Variants in RAB6A observed in about 807,000 individuals in gnomAD.
RAB6A encodes RAB6A, member RAS oncogene family.
Under a neutral mutation model 32.3 loss-of-function variants are expected in RAB6A, and 8 were observed. That is an observed-to-expected ratio of 0.25 (90% confidence interval 0.15 to 0.45). The LOEUF is 0.45. Ranked by LOEUF, RAB6A falls within the 20% of genes least tolerant of loss-of-function variation. RAB6A has a pLI of 1.00. For missense variants in RAB6A, 104 were observed against 249.4 expected (o/e 0.42, Z 3.93); for synonymous variants, 73 against 82.1 (o/e 0.89, Z 0.60).
intron 1 of RAB6A, among the ~76,000 whole-genome samples, chr11:73,755,481 C>A (rs562801456): frequency 2.6e-5 from 4 of 151,804 alleles, no homozygotes; most frequent in Non-Finnish European, 4.4e-5. Context: ...TTAGTAGAAA[C>A]GGGGTTTCGC....
At chr11:73,696,453 C>G (rs969249535) in intron 6 of RAB6A, among the ~76,000 whole-genome samples, 2 of 152,094 alleles carry the variant, frequency 1.3e-5, no homozygotes, top group Non-Finnish European at 2.9e-5. Flanking sequence ...CTCAGCCTCC[C>G]CAAGGTGTAG....
In RAB6A at chr11:73,760,663, T is replaced by G; in HGVS notation, c.-28A>C. 6.3e-7 allele frequency: 1 copy of G among 1,597,892 alleles called. No individual in the cohort carries two copies. Among genetic ancestry groups the G allele is most frequent in the Non-Finnish European group, 8.5e-7 (1 of 1,172,804 alleles). The stretch of plus-strand genomic sequence containing the variant: ...TGGAACTAGAGGAGCGGCCGCCGCC[T>G]CAGCCTAGAGACCTCCCGGACCGAT... On this transcript the variant is annotated 5_prime_UTR_variant, in exon 1 of 8. Transcript: ENST00000336083.
chr11:73,709,912 C>T (rs12360679), intron 5 of RAB6A, among the ~76,000 whole-genome samples: 7 of 145,486 alleles, frequency 4.8e-5, no homozygotes, highest in Admixed American at 2.8e-4. Flanking sequence ...CACATATATA[C>T]ATATATATAC....
chr11:73,678,335 G>A (rs945064313), intron 7 of RAB6A, among the ~76,000 whole-genome samples: 2 of 152,234 alleles, frequency 1.3e-5, no homozygotes, highest in African/African-American at 2.4e-5. Context: ...TGGGACTTCA[G>A]GCCGGGTGCC....
rs1555062135 is a variant in RAB6A, at chr11:73,722,367, T to TG, written c.130-1469dup. The TG allele has an allele frequency of 1.1e-3, 91 of 81,772 alleles. 11 individuals are homozygous for TG. Among genetic ancestry groups the TG allele is most frequent in the African/African-American group, 3.3e-3 (68 of 20,910 alleles). The allele number at this position is 81,772 out of a possible 1,614,324, so 5.1% of individuals were successfully genotyped here. ...TATTTTTTTTTTTTTTTTTTTTTTT[T>TG]GAGACAGTCTCACACTCTTGCCCAA... is the stretch of plus-strand genomic sequence containing the variant. On this transcript the variant is annotated intron_variant, in intron 2 of 7. Transcript: ENST00000336083.
intron 6 of RAB6A, among the ~76,000 whole-genome samples, chr11:73,680,559 G>A (rs754214553): frequency 2.6e-5 from 4 of 152,102 alleles, no homozygotes; most frequent in Non-Finnish European, 4.4e-5. Flanking sequence ...GACTGAGGCA[G>A]GAGAATCACT....
rs1428071342 is a variant in RAB6A, at chr11:73,712,711, T to C, written c.401+3540A>G. ...AACTTTTCATGCAGCAAGACCACAT[T>C]GCTTTAATTATAGAGGCTTTTTTTT... is the stretch of plus-strand genomic sequence containing the variant. On this transcript the variant is annotated intron_variant, in intron 5 of 7. Transcript: ENST00000336083. 5.6e-5 allele frequency among the ~76,000 whole-genome samples: 8 copies of C among 142,154 alleles called. No homozygotes were observed. The East Asian group carries it at 1.5e-3, about 26-fold the overall frequency. The allele number at this position is 142,154 out of a possible 152,430, so 93.3% of individuals were successfully genotyped here. A position where few individuals can be genotyped will look rare whatever the true frequency, so the allele number is the denominator to read the frequency against.
chr11:73,700,616 G>T (rs1403713041), intron 6 of RAB6A, among the ~76,000 whole-genome samples: 11 of 129,602 alleles, frequency 8.5e-5, no homozygotes, highest in African/African-American at 1.4e-4. Flanking sequence ...GTGTGGGGGG[G>T]GGGGGGGGAG....
intron 2 of RAB6A, among the ~76,000 whole-genome samples, chr11:73,724,009 C>G (rs935453958): frequency 2.0e-5 from 3 of 152,118 alleles, no homozygotes; most frequent in African/African-American, 7.2e-5. Flanking sequence ...AATTCCTGTA[C>G]AGCAAATATT....
chr11:73,747,240 C>G (rs1380926109), intron 1 of RAB6A, among the ~76,000 whole-genome samples: 4 of 150,410 alleles, frequency 2.7e-5, no homozygotes, highest in Non-Finnish European at 4.4e-5. Flanking sequence ...GAGTCTTGCT[C>G]TGTCGCCCAG....
chr11:73,756,685 T>C (rs1168358686), intron 1 of RAB6A, among the ~76,000 whole-genome samples: 5 of 152,116 alleles, frequency 3.3e-5, no homozygotes, highest in Non-Finnish European at 7.4e-5. Context: ...TTCCTTTATT[T>C]ATTTATTTAG....
chr11:73,757,158 T>TCC (rs1555070150), intron 1 of RAB6A, among the ~76,000 whole-genome samples: 1 of 98,654 alleles, frequency 1.0e-5, no homozygotes, highest in East Asian at 3.8e-4. Context: ...TTTTTTTTTT[T>TCC]CTTGAGACAG....
intron 1 of RAB6A, among the ~76,000 whole-genome samples, chr11:73,747,526 CA>C (rs1946609719): frequency 6.9e-6 from 1 of 144,290 alleles, no homozygotes; most frequent in African/African-American, 2.6e-5. Flanking sequence ...TAAAATCTTA[CA>C]TAACCACAGC....
At chr11:73,712,925 C>T (rs1945986278) in intron 5 of RAB6A, among the ~76,000 whole-genome samples, 2 of 152,022 alleles carry the variant, frequency 1.3e-5, no homozygotes, top group Non-Finnish European at 1.5e-5. Context: ...GCTATGTTGG[C>T]CAGGCTGGTC....
At chr11:73,680,229 A>T (rs1477711825) in intron 6 of RAB6A, among the ~76,000 whole-genome samples, 2 of 152,268 alleles carry the variant, frequency 1.3e-5, no homozygotes, top group African/African-American at 2.4e-5. Flanking sequence ...TGGTGGGATA[A>T]GACAAAAGTA....
chr11:73,736,686 G>A lies in RAB6A; in HGVS notation c.71-5863C>T, dbSNP rs111791315. ...TCATGCCTGTAATCCCAGCTACTCC[G>A]GAGGCTGAGGCAGGACAATCACTTA... On this transcript the variant is annotated intron_variant, in intron 1 of 7. Coordinates refer to ENST00000336083, the MANE Select transcript of RAB6A (RefSeq NM_198896.2). 8.5e-3 allele frequency among the ~76,000 whole-genome samples: 1,282 copies of A among 151,100 alleles called. 18 individuals carry two copies. The highest frequency in any genetic ancestry group is 0.029 in the African/African-American group (1,190 of 41,172).
At chr11:73,724,214 A>C (rs2134960036) in intron 2 of RAB6A, among the ~76,000 whole-genome samples, 1 of 152,344 alleles carries the variant, frequency 6.6e-6, no homozygotes, top group Middle Eastern at 3.4e-3. Context: ...GCAAAGAAAA[A>C]GATATCCCAC....
intron 3 of RAB6A, among the ~76,000 whole-genome samples, chr11:73,719,526 C>G (rs532659703): frequency 1.3e-5 from 2 of 152,196 alleles, no homozygotes; most frequent in South Asian, 2.1e-4. Context: ...AATGTCTTTA[C>G]GTACTATCCA....
chr11:73,679,126 GA>G (rs1158525019), intron 7 of RAB6A, among the ~76,000 whole-genome samples: 1 of 152,124 alleles, frequency 6.6e-6, no homozygotes, highest in African/African-American at 2.4e-5. Flanking sequence ...CCTGCATATG[GA>G]AATACACTAG....
Sources: allele counts gnomAD v4.1 joint callset (sites outside exome capture counted in the v4.1 genomes callset), GRCh38; gene constraint gnomAD v4.1.1; transcripts MANE v1.5; gene names NCBI Gene and HGNC (gene_info 2026-07-23, HGNC 2026-07-21).